ZNF385D: variants seen among roughly 807,000 people sequenced by gnomAD.
ZNF385D encodes the protein zinc finger protein 659.
ZNF385D carries 15 observed loss-of-function variants against 35.8 expected under a neutral mutation model. The observed-to-expected ratio is 0.42, with a 90% CI of 0.28 to 0.64. ZNF385D has a LOEUF of 0.64. ZNF385D is among the 30% of genes least tolerant of loss of function. The pLI, the probability that ZNF385D is intolerant of heterozygous loss-of-function variation, is 0.23. For synonymous variants in ZNF385D, 212 were observed against 186.8 expected (o/e 1.13, Z -1.10); for missense variants, 474 against 494.6 (o/e 0.96, Z 0.39).
At chr3:21,577,578 C>T (rs987881028) in intron 2 of ZNF385D, among the ~76,000 whole-genome samples, 3 of 152,030 alleles carry the variant, frequency 2.0e-5, no homozygotes, top group African/African-American at 4.8e-5. Flanking sequence ...TTTGGAGGAA[C>T]CTACGTGCTG....
At chr3:22,033,567 G>C (rs1698137504) in intron 3 of ZNF385D, among the ~76,000 whole-genome samples, 2 of 151,880 alleles carry the variant, frequency 1.3e-5, no homozygotes, top group Non-Finnish European at 2.9e-5. Flanking sequence ...CACAGAAGGA[G>C]GTAGTATCTA....
chr3:21,665,089 G>C, intron 1 of ZNF385D, 61 bp from the exon 2 acceptor site: 2 of 1,501,586 alleles, frequency 1.3e-6, no homozygotes, highest in South Asian at 2.7e-5. Flanking sequence ...AAACACCAAA[G>C]TTGCTTTTGA....
intron 4 of ZNF385D, among the ~76,000 whole-genome samples, chr3:21,499,301 A>G (rs1297185403): frequency 6.6e-6 from 1 of 152,216 alleles, no homozygotes; most frequent in Non-Finnish European, 1.5e-5. Flanking sequence ...TGTAAACATT[A>G]AAAAAGAACA....
chr3:21,745,535 T>C (rs1326889664), intron 1 of ZNF385D, among the ~76,000 whole-genome samples: 1 of 152,194 alleles, frequency 6.6e-6, no homozygotes, highest in Non-Finnish European at 1.5e-5. Flanking sequence ...TCAAGCATGA[T>C]CTCAACCACT....
At chr3:21,989,122 C>T (rs956790074) in intron 3 of ZNF385D, among the ~76,000 whole-genome samples, 11 of 152,288 alleles carry the variant, frequency 7.2e-5, no homozygotes, top group African/African-American at 2.6e-4. Flanking sequence ...TTCTGCGTCG[C>T]TCACGCTGGG....
At chr3:22,017,760 G>C (rs1021013405) in intron 3 of ZNF385D, among the ~76,000 whole-genome samples, 1 of 151,766 alleles carries the variant, frequency 6.6e-6, no homozygotes, top group Non-Finnish European at 1.5e-5. Flanking sequence ...TGGTTTTCTA[G>C]AAATTCTAGC....
At chr3:22,057,455 T>C (rs1005083961) in intron 3 of ZNF385D, among the ~76,000 whole-genome samples, 1 of 152,154 alleles carries the variant, frequency 6.6e-6, no homozygotes, top group African/African-American at 2.4e-5. Flanking sequence ...GCAATTAAAT[T>C]GGATAAAAGC....
At chr3:21,546,018 C>T (rs1241114310) in intron 3 of ZNF385D, among the ~76,000 whole-genome samples, 5 of 151,918 alleles carry the variant, frequency 3.3e-5, no homozygotes, top group Admixed American at 6.6e-5. Flanking sequence ...TACTTTATGC[C>T]AATAATCAAG....
At chr3:22,026,940 C>G (rs750613053) in intron 3 of ZNF385D, among the ~76,000 whole-genome samples, 1 of 152,150 alleles carries the variant, frequency 6.6e-6, no homozygotes, top group Non-Finnish European at 1.5e-5. Context: ...ACAGTGACTC[C>G]AATTTCAGCT....
rs200355748 is a variant in ZNF385D, at chr3:21,488,609, A to ACT, written c.439+22250_439+22251dup. Among the ~76,000 whole-genome samples, 1,388 of 152,026 alleles carry ACT rather than the reference A, an allele frequency of 9.1e-3. 14 individuals carry two copies. The highest frequency in any genetic ancestry group is 0.045 in the Middle Eastern group (13 of 292). On this transcript the variant is annotated intron_variant, in intron 4 of 7. Coordinates refer to ENST00000281523, the MANE Select transcript of ZNF385D (RefSeq NM_024697.3). ...TCTTAATACTGTTCTAGTGAATTTG[A>ACT]CTCTCTCTGTGAGAAACCATGTGTA...
chr3:21,619,705 G>C (rs1238615042), intron 2 of ZNF385D, among the ~76,000 whole-genome samples: 1 of 152,126 alleles, frequency 6.6e-6, no homozygotes, highest in East Asian at 1.9e-4. Context: ...TGTTTTCCCA[G>C]CCCTGGCCTG....
chr3:22,109,674 C>T (rs1388359209), intron 3 of ZNF385D, among the ~76,000 whole-genome samples: 1 of 152,048 alleles, frequency 6.6e-6, no homozygotes, highest in African/African-American at 2.4e-5. Flanking sequence ...AATCTGGGTG[C>T]TCCTGTATTG....
intron 1 of ZNF385D, among the ~76,000 whole-genome samples, chr3:21,741,918 T>C (rs1037003025): frequency 7.2e-5 from 11 of 152,278 alleles, no homozygotes; most frequent in Non-Finnish European, 1.5e-4. Context: ...ATAGATTAGA[T>C]GTGGCCTCTA....
At chr3:22,138,431 A>T (rs1477004740) in intron 3 of ZNF385D, among the ~76,000 whole-genome samples, 6 of 152,332 alleles carry the variant, frequency 3.9e-5, no homozygotes, top group Admixed American at 1.3e-4. Context: ...ACAAGGCTAC[A>T]GTAACCAAAA....
chr3:21,730,958 T>C lies in ZNF385D; in HGVS notation c.22+19937A>G, dbSNP rs183474365. On this transcript the variant is annotated intron_variant, in intron 1 of 7. Transcript: ENST00000281523. ...GAGGCTCACTTTTGTTGTTTCCAGT[T>C]TGTGCTTTAAAAACTAACATTGCAT... Among the ~76,000 whole-genome samples the C allele has an allele frequency of 9.2e-5, 14 of 152,334 alleles. No individual in the cohort carries two copies. In the East Asian group the frequency reaches 2.7e-3, roughly 29 times the overall value.
intron 3 of ZNF385D, among the ~76,000 whole-genome samples, chr3:22,016,485 CTCTT>C (rs1682946129): frequency 6.6e-6 from 1 of 152,100 alleles, no homozygotes; most frequent in African/African-American, 2.4e-5. Context: ...ACTTCACTGT[CTCTT>C]TGAGATTAGG....
chr3:22,203,043 G>C (rs1272808329), intron 2 of ZNF385D, among the ~76,000 whole-genome samples: 2 of 152,032 alleles, frequency 1.3e-5, no homozygotes, highest in African/African-American at 4.8e-5. Context: ...ATGCAACCTA[G>C]GGAGACATCA....
chr3:21,852,773 T>C (rs17009827), intron 3 of ZNF385D, among the ~76,000 whole-genome samples: 5,831 of 151,934 alleles, frequency 0.038, 388 homozygotes, highest in African/African-American at 0.13. Flanking sequence ...GTACAAAATA[T>C]ATGAAACTTA....
intron 4 of ZNF385D, among the ~76,000 whole-genome samples, chr3:21,454,620 C>T (rs1173731011): frequency 6.6e-6 from 1 of 152,080 alleles, no homozygotes; most frequent in African/African-American, 2.4e-5. Context: ...ATGACAAACC[C>T]ACAGCCAATA....
Sources: gnomAD v4.1 joint callset for allele counts (sites outside exome capture counted in the v4.1 genomes callset) on GRCh38, gnomAD v4.1.1 for gene constraint, MANE v1.5 for transcripts, NCBI Gene and HGNC (gene_info 2026-07-23, HGNC 2026-07-21) for gene names.